MAF: variants seen among roughly 807,000 people sequenced by gnomAD.
MAF encodes transcription factor Maf.
In MAF, 10 loss-of-function variants were observed where a neutral mutation model predicts 22.0. The observed-to-expected ratio is 0.45, with a 90% confidence interval of 0.28 to 0.77. The LOEUF is 0.77. MAF is among the 30% of genes least tolerant of loss of function. The pLI is 0.12. For synonymous variants in MAF, 337 were observed against 255.8 expected (o/e 1.32, Z -3.03); for missense variants, 544 against 548.4 (o/e 0.99, Z 0.08).
At chr16:79,240,365 C>G in the MAF span, among the ~76,000 whole-genome samples, 1 of 151,034 alleles carries the variant, frequency 6.6e-6, no homozygotes, top group African/African-American at 2.4e-5. Flanking sequence ...ACTCCTCATC[C>G]CACTCCCAAG....
chr16:79,489,092 T>C, the MAF span, among the ~76,000 whole-genome samples: 2 of 152,100 alleles, frequency 1.3e-5, no homozygotes, highest in Non-Finnish European at 1.5e-5. Context: ...TTCATCTCTC[T>C]ACCCATCCAT....
the MAF span, among the ~76,000 whole-genome samples, chr16:79,440,262 TG>T: frequency 1.3e-5 from 2 of 152,168 alleles, no homozygotes; most frequent in Non-Finnish European, 2.9e-5. Flanking sequence ...CATGCTGCCT[TG>T]AAGCACACAC....
the MAF span, among the ~76,000 whole-genome samples, chr16:79,469,709 G>C: frequency 3.6e-4 from 54 of 152,070 alleles, no homozygotes; most frequent in African/African-American, 1.3e-3. Context: ...TGATTCTCCT[G>C]CCTCAGCCTC....
the MAF span, among the ~76,000 whole-genome samples, chr16:79,208,485 G>C: frequency 6.6e-6 from 1 of 152,146 alleles, no homozygotes. Context: ...ATGACAACTG[G>C]CAAGGTATTG....
chr16:79,375,616 G>A, the MAF span, among the ~76,000 whole-genome samples: 1 of 152,180 alleles, frequency 6.6e-6, no homozygotes, highest in African/African-American at 2.4e-5. Context: ...TGATGATGAA[G>A]GTGATGATGA....
the MAF span, among the ~76,000 whole-genome samples, chr16:79,458,900 C>T: frequency 1.3e-5 from 2 of 152,168 alleles, no homozygotes; most frequent in Non-Finnish European, 1.5e-5. Context: ...TGCAGAGATG[C>T]TAAACAAGCT....
chr16:79,436,565 C>G, the MAF span, among the ~76,000 whole-genome samples: 1 of 152,144 alleles, frequency 6.6e-6, no homozygotes, highest in Non-Finnish European at 1.5e-5. Flanking sequence ...TATTTTTACA[C>G]CAAAGGGTTA....
the MAF span, among the ~76,000 whole-genome samples, chr16:79,306,166 A>C: frequency 4.6e-5 from 7 of 152,198 alleles, no homozygotes; most frequent in African/African-American, 1.7e-4. Flanking sequence ...TAAGATGATA[A>C]ATTCCCCTGA....
chr16:79,367,447 A>T, the MAF span, among the ~76,000 whole-genome samples: 3 of 152,196 alleles, frequency 2.0e-5, no homozygotes, highest in African/African-American at 7.2e-5. Context: ...TGCAGTCAGA[A>T]CAAATTCACT....
At chr16:79,540,299 T>G in the MAF span, among the ~76,000 whole-genome samples, 1 of 151,594 alleles carries the variant, frequency 6.6e-6, no homozygotes, top group South Asian at 2.1e-4. Flanking sequence ...ACATCGAGAT[T>G]GCAGTTAGGG....
chr16:79,520,551 T>G, the MAF span, among the ~76,000 whole-genome samples: 1 of 152,134 alleles, frequency 6.6e-6, no homozygotes, highest in Non-Finnish European at 1.5e-5. Flanking sequence ...AGTACATAAA[T>G]AAATATGGCT....
At chr16:79,457,139 G>C in the MAF span, among the ~76,000 whole-genome samples, 6 of 152,158 alleles carry the variant, frequency 3.9e-5, no homozygotes, top group African/African-American at 1.2e-4. Context: ...AAGGTTGAAA[G>C]GGACTGTTCT....
chr16:79,293,690 T>A, the MAF span, among the ~76,000 whole-genome samples: 2 of 152,176 alleles, frequency 1.3e-5, no homozygotes, highest in Non-Finnish European at 2.9e-5. Context: ...TAGTCTTGGT[T>A]GGTGTTCACC....
chr16:79,271,774 C>T, the MAF span, among the ~76,000 whole-genome samples: 1 of 152,226 alleles, frequency 6.6e-6, no homozygotes, highest in South Asian at 2.1e-4. Flanking sequence ...TTCTTCCTTG[C>T]TTAGTCAGCA....
chr16:79,473,744 C>A, the MAF span, among the ~76,000 whole-genome samples: 4 of 152,080 alleles, frequency 2.6e-5, no homozygotes. Flanking sequence ...AGTACTTAAC[C>A]GTATCGCAAG....
At chr16:79,529,515 T>A in the MAF span, among the ~76,000 whole-genome samples, 1 of 152,194 alleles carries the variant, frequency 6.6e-6, no homozygotes, top group Non-Finnish European at 1.5e-5. Context: ...GGGGCACTAA[T>A]AATAACAACA....
At chr16:79,508,814 C>T in the MAF span, among the ~76,000 whole-genome samples, 3 of 152,084 alleles carry the variant, frequency 2.0e-5, no homozygotes, top group African/African-American at 7.2e-5. Flanking sequence ...CGAGAAGAGG[C>T]AAATCCATAG....
chr16:79,297,377 C>T, the MAF span, among the ~76,000 whole-genome samples: 3 of 152,122 alleles, frequency 2.0e-5, no homozygotes, highest in Admixed American at 6.5e-5. Flanking sequence ...TCTACGGTGA[C>T]TGTGGGCAAG....
the MAF span, among the ~76,000 whole-genome samples, chr16:79,229,619 G>T: frequency 6.6e-6 from 1 of 152,044 alleles, no homozygotes; most frequent in East Asian, 1.9e-4. Context: ...GGACAGGGGC[G>T]TGAGGACAAG....
Sources: allele counts gnomAD v4.1 joint callset (sites outside exome capture counted in the v4.1 genomes callset), GRCh38; gene constraint gnomAD v4.1.1; transcripts MANE v1.5; gene names NCBI Gene and HGNC (gene_info 2026-07-23, HGNC 2026-07-21).